The following PRKD3 variants were observed in gnomAD, a reference collection of about 807,000 sequenced individuals.
PRKD3 encodes protein kinase D3.
Under a neutral mutation model 99.2 loss-of-function variants are expected in PRKD3, and 47 were observed. That is an observed-to-expected ratio of 0.47 (90% CI 0.38 to 0.60). The LOEUF (loss-of-function observed/expected upper bound fraction) is 0.60, where lower values mean the gene tolerates loss of function less well. Ranked by LOEUF, PRKD3 falls within the 20% of genes least tolerant of loss-of-function variation. The pLI is 0.00. For missense variants in PRKD3, 1,019 were observed against 1,088.4 expected (o/e 0.94, Z 0.90); for synonymous variants, 392 against 355.4 (o/e 1.10, Z -1.16).
At chr2:37,309,917 T>C (rs150547218) in intron 2 of PRKD3, among the ~76,000 whole-genome samples, 7 of 150,720 alleles carry the variant, frequency 4.6e-5, no homozygotes, top group African/African-American at 1.7e-4. Flanking sequence ...TATTCTAATA[T>C]AGAAGTCACA....
Position 37,251,321 on chromosome 2 carries a change from G to C in PRKD3, c.*1856C>G, listed in dbSNP as rs1204218487. ...GTAGATAGTACAGCATAATGGTTGGGAGGGCTAAGGGTAAGATTAGAGCCA... is the reference window on the plus strand; with the variant it reads ...GTAGATAGTACAGCATAATGGTTGGCAGGGCTAAGGGTAAGATTAGAGCCA... On this transcript the variant is annotated 3_prime_UTR_variant, in exon 19 of 19. Coordinates refer to ENST00000234179, the MANE Select transcript of PRKD3 (RefSeq NM_005813.6). The C allele has an allele frequency of 6.6e-6, 1 of 152,528 alleles. No individual in the cohort carries two copies. The highest frequency in any genetic ancestry group is 2.4e-5 in the African/African-American group (1 of 41,424). 9.4% of individuals were successfully genotyped at this position (152,528 alleles called of 1,614,324 possible).
Position 37,316,761 on chromosome 2 carries a change from G to A in PRKD3, c.-237C>T. The A allele has an allele frequency of 7.4e-7, 1 of 1,352,332 alleles. No individual in the cohort carries two copies. The highest frequency in any genetic ancestry group is 9.5e-7 in the Non-Finnish European group (1 of 1,055,396). 83.8% of individuals were successfully genotyped at this position (1,352,332 alleles called of 1,614,324 possible). A position where few individuals can be genotyped will look rare whatever the true frequency, so the allele number is the denominator to read the frequency against. On this transcript the variant is annotated 5_prime_UTR_variant, in exon 2 of 19. Coordinates refer to ENST00000234179, the MANE Select transcript of PRKD3 (RefSeq NM_005813.6). ...CCATCAAAAAGCAGTCTTGTCTGTA[G>A]GAAGACAACCAGGGATTTGTAAAGG...
At chr2:37,276,789 TATATAC>T (rs1669590450) in intron 9 of PRKD3, among the ~76,000 whole-genome samples, 2 of 149,604 alleles carry the variant, frequency 1.3e-5, no homozygotes, top group East Asian at 3.9e-4. Flanking sequence ...TATATATGTA[TATATAC>T]ACACACACAC....
intron 6 of PRKD3, among the ~76,000 whole-genome samples, chr2:37,285,255 G>A (rs2148563431): frequency 6.6e-6 from 1 of 152,168 alleles, no homozygotes; most frequent in South Asian, 2.1e-4. Flanking sequence ...GTACAGCATT[G>A]CTGAGAAGGT....
At chr2:37,309,254 T>G (rs921922227) in intron 2 of PRKD3, among the ~76,000 whole-genome samples, 1 of 152,232 alleles carries the variant, frequency 6.6e-6, no homozygotes, top group South Asian at 2.1e-4. Context: ...AATGGAGATA[T>G]TTATGCACTC....
intron 2 of PRKD3, among the ~76,000 whole-genome samples, chr2:37,306,385 G>C (rs1414980669): frequency 6.6e-6 from 1 of 152,198 alleles, no homozygotes. Context: ...TAAACCTCTA[G>C]AAGGCAGAGA....
intron 1 of PRKD3, among the ~76,000 whole-genome samples, chr2:37,322,100 T>C (rs1426903354): frequency 6.6e-6 from 1 of 152,210 alleles, no homozygotes; most frequent in Non-Finnish European, 1.5e-5. Flanking sequence ...CCACGCCTCT[T>C]GACATGTATT....
intron 2 of PRKD3, among the ~76,000 whole-genome samples, chr2:37,315,827 C>T (rs1441236776): frequency 6.6e-6 from 1 of 152,222 alleles, no homozygotes. Flanking sequence ...CTGCTCCCCA[C>T]GATTCTCCTG....
At chr2:37,267,332 T>C (rs1668911202) in intron 14 of PRKD3, 98 bp downstream of exon 14, 1 of 786,026 alleles carries the variant, frequency 1.3e-6, no homozygotes, top group Non-Finnish European at 2.0e-6. Flanking sequence ...TACCATAATC[T>C]AATTTTGCCT....
chr2:37,253,471 A>G, intron 18 of PRKD3, 121 bp from the exon 19 acceptor site: 1 of 742,026 alleles, frequency 1.3e-6, no homozygotes, highest in Admixed American at 3.0e-5. Flanking sequence ...GACAGGCGCT[A>G]CTCATAAGTA....
At position 37,272,442 on chromosome 2, in the gene PRKD3, A is replaced by T; in HGVS notation, c.1652-10T>A. 6.3e-7 allele frequency: 1 copy of T among 1,599,378 alleles called. No homozygotes were observed. The highest frequency in any genetic ancestry group is 8.5e-7 in the Non-Finnish European group (1 of 1,175,682). ...CTTGTAGACAAATCTTCTGTAAAAT[A>T]TAAAAAAGACAAAATTTAGTATATG... On this transcript the variant is annotated splice_polypyrimidine_tract_variant and intron_variant, in intron 11 of 18. Coordinates refer to ENST00000234179, the MANE Select transcript of PRKD3 (RefSeq NM_005813.6).
At chr2:37,270,423 A>G (rs576297510) in intron 12 of PRKD3, among the ~76,000 whole-genome samples, 2 of 150,740 alleles carry the variant, frequency 1.3e-5, no homozygotes, top group South Asian at 4.2e-4. Flanking sequence ...GAAGAAAAGA[A>G]TATGTATGAG....
At chr2:37,259,410 T>C (rs992305491) in intron 16 of PRKD3, among the ~76,000 whole-genome samples, 173 bp downstream of exon 16, 2 of 152,230 alleles carry the variant, frequency 1.3e-5, no homozygotes, top group African/African-American at 2.4e-5. Flanking sequence ...GTATAACTAA[T>C]AACATCTGAA....
intron 6 of PRKD3, among the ~76,000 whole-genome samples, chr2:37,283,657 T>C (rs1200899132): frequency 6.6e-6 from 1 of 152,168 alleles, no homozygotes; most frequent in Non-Finnish European, 1.5e-5. Flanking sequence ...TCATGAACTT[T>C]GCAAACTGTG....
intron 3 of PRKD3, among the ~76,000 whole-genome samples, chr2:37,291,459 G>A (rs1670418258): frequency 6.6e-6 from 1 of 152,226 alleles, no homozygotes; most frequent in Non-Finnish European, 1.5e-5. Flanking sequence ...TAGTGGATAT[G>A]AGAAAGAAAC....
Position 37,275,820 on chromosome 2 carries a change from C to G in PRKD3, c.1321G>C (p.Asp441His). ...TGAAATAATGTTAGACATTTGCTGT[C>G]AAGTCTCCAATAATGCCTCTTTCTC... Reference protein sequence around the residue: ...NLRKRHYWRLDSKCLTLFQNE... With the variant: ...NLRKRHYWRLHSKCLTLFQNE... Residue 441 changes from aspartate to histidine, a missense_variant, in exon 10 of 19, where the codon GAC (aspartate) becomes CAC (histidine). Transcript: ENST00000234179. 1.9e-6 allele frequency: 3 copies of G among 1,608,318 alleles called. No homozygotes were observed. The highest frequency in any genetic ancestry group is 1.7e-6 in the Non-Finnish European group (2 of 1,177,400).
intron 1 of PRKD3, 99 bp from the exon 2 acceptor site, chr2:37,317,278 T>C: frequency 2.0e-6 from 1 of 501,148 alleles, no homozygotes; most frequent in South Asian, 8.5e-5. Context: ...TTTTTGGTCA[T>C]ATGCTTATAA....
At chr2:37,298,206 C>G (rs1670757509) in intron 2 of PRKD3, among the ~76,000 whole-genome samples, 2 of 152,152 alleles carry the variant, frequency 1.3e-5, no homozygotes, top group Non-Finnish European at 2.9e-5. Flanking sequence ...ACGGCACACC[C>G]ATGCCCTAGC....
Position 37,257,076 on chromosome 2 carries a change from A to G in PRKD3, c.2146-147T>C, listed in dbSNP as rs559280280. 764 of 958,546 alleles carry G rather than the reference A, an allele frequency of 8.0e-4. 14 individuals carry two copies. The South Asian group carries it at 0.012, about 16-fold the overall frequency. The allele number at this position is 958,546 out of a possible 1,614,324, so 59.4% of individuals were successfully genotyped here. A position where few individuals can be genotyped will look rare whatever the true frequency, so the allele number is the denominator to read the frequency against. ...TTAATCACAGATAAGGAAATTGTAAAATATCCTTTTCTCAAAAGGCAGACA... is the reference window on the plus strand; with the variant it reads ...TTAATCACAGATAAGGAAATTGTAAGATATCCTTTTCTCAAAAGGCAGACA... On this transcript the variant is annotated intron_variant, in intron 16 of 18. Transcript: ENST00000234179.
Sources: gnomAD v4.1 joint callset for allele counts (sites outside exome capture counted in the v4.1 genomes callset) on GRCh38, gnomAD v4.1.1 for gene constraint, MANE v1.5 for transcripts, NCBI Gene and HGNC (gene_info 2026-07-23, HGNC 2026-07-21) for gene names.